Variants in PALM2AKAP2 observed in about 807,000 individuals in gnomAD.
The protein encoded by PALM2AKAP2 is PALM2-AKAP2 fusion protein.
A neutral mutation model predicts 71.5 loss-of-function variants in PALM2AKAP2; 37 were observed. That is an observed-to-expected ratio of 0.52 (90% CI 0.40 to 0.68). The LOEUF is 0.68. Ranked by LOEUF, PALM2AKAP2 falls within the 30% of genes least tolerant of loss-of-function variation. The probability of loss-of-function intolerance (pLI) is 0.00; values close to 1 mark genes in which losing one functional copy is unlikely to be tolerated. For missense variants in PALM2AKAP2, 1,224 were observed against 1,191.8 expected, an observed-to-expected ratio of 1.03 and a Z score of -0.40; for synonymous variants, 468 against 478.8, an observed-to-expected ratio of 0.98 and a Z score of 0.29.
chr9:110,150,483 C>G (rs1048207001), intron 2 of PALM2AKAP2, among the ~76,000 whole-genome samples: 5 of 152,204 alleles, frequency 3.3e-5, no homozygotes, highest in Non-Finnish European at 7.4e-5. Context: ...CTTCAGATCT[C>G]TCTCTCTCTC....
chr9:109,790,937 CTT>C (rs1415973156), intron 1 of PALM2AKAP2, among the ~76,000 whole-genome samples: 1 of 152,174 alleles, frequency 6.6e-6, no homozygotes, highest in Non-Finnish European at 1.5e-5. Flanking sequence ...GCCTATTTTT[CTT>C]TTCCAGGTGG....
At chr9:109,842,099 A>C (rs981092695) in intron 1 of PALM2AKAP2, among the ~76,000 whole-genome samples, 1 of 152,038 alleles carries the variant, frequency 6.6e-6, no homozygotes, top group Non-Finnish European at 1.5e-5. Flanking sequence ...TCTGGGCCTC[A>C]GTTTCCCATT....
intron 2 of PALM2AKAP2, among the ~76,000 whole-genome samples, chr9:109,870,843 A>T (rs1011612906): frequency 4.6e-5 from 7 of 152,226 alleles, no homozygotes; most frequent in Admixed American, 3.3e-4. Context: ...GTGATTATTG[A>T]AGTTCCTTGA....
At chr9:110,060,056 T>C (rs1342622339) in intron 1 of PALM2AKAP2, among the ~76,000 whole-genome samples, 1 of 152,198 alleles carries the variant, frequency 6.6e-6, no homozygotes, top group African/African-American at 2.4e-5. Flanking sequence ...TTTTTATTAT[T>C]GTAATTTGTG....
chr9:110,025,938 GACCC>G (rs1285019052), intron 7 of PALM2AKAP2, among the ~76,000 whole-genome samples: 4 of 152,088 alleles, frequency 2.6e-5, no homozygotes, highest in Non-Finnish European at 5.9e-5. Flanking sequence ...CTGAGTGAGG[GACCC>G]TCTTCTTGAC....
intron 1 of PALM2AKAP2, among the ~76,000 whole-genome samples, chr9:110,135,352 TAAAA>T (rs72447322): frequency 1.3e-5 from 1 of 76,806 alleles, no homozygotes; most frequent in Non-Finnish European, 2.4e-5. Flanking sequence ...CCTCCTTCCT[TAAAA>T]AAAAAAAAAA....
intron 1 of PALM2AKAP2, among the ~76,000 whole-genome samples, chr9:109,858,421 T>A (rs897049539): frequency 6.6e-6 from 1 of 152,178 alleles, no homozygotes; most frequent in African/African-American, 2.4e-5. Flanking sequence ...CACTGTGGAA[T>A]GTTAGTGATG....
chr9:110,080,094 A>G (rs1834415763), intron 1 of PALM2AKAP2, among the ~76,000 whole-genome samples: 3 of 135,598 alleles, frequency 2.2e-5, no homozygotes, highest in African/African-American at 5.8e-5. Flanking sequence ...AAAAAAAAAA[A>G]ATAGAAGATT....
intron 1 of PALM2AKAP2, among the ~76,000 whole-genome samples, chr9:109,646,411 T>G (rs1220275714): frequency 6.6e-6 from 1 of 152,230 alleles, no homozygotes; most frequent in African/African-American, 2.4e-5. Context: ...TTGCGATCCC[T>G]GTAAGCCCTG....
At chr9:110,160,202 G>A (rs1460408515) in intron 3 of PALM2AKAP2, among the ~76,000 whole-genome samples, 1 of 152,188 alleles carries the variant, frequency 6.6e-6, no homozygotes, top group East Asian at 1.9e-4. Flanking sequence ...CACATTTGGG[G>A]GGTAGAGTAG....
At chr9:109,887,626 GTGA>G (rs201213599) in intron 3 of PALM2AKAP2, among the ~76,000 whole-genome samples, 1 of 151,868 alleles carries the variant, frequency 6.6e-6, no homozygotes, top group African/African-American at 2.4e-5. Flanking sequence ...CCATGAGGTA[GTGA>G]TGATGATGAT....
At chr9:109,699,778 A>AT (rs374704175) in intron 1 of PALM2AKAP2, among the ~76,000 whole-genome samples, 44,951 of 112,978 alleles carry the variant, frequency 0.4, 7,551 homozygotes, top group African/African-American at 0.57. Context: ...ACCTTTATTT[A>AT]TTTTTTTTTT....
rs561997423 is a variant in PALM2AKAP2, at chr9:109,683,191, A to G, written c.5+42325A>G. On this transcript the variant is annotated intron_variant, in intron 1 of 6. Transcript: ENST00000374531. Reference sequence around the variant, plus strand: ...CCCCAGAAGCCGAGCAGATGCCACTATGCTTTCTGTACAGCCTGCAGAATG... The same window carrying G: ...CCCCAGAAGCCGAGCAGATGCCACTGTGCTTTCTGTACAGCCTGCAGAATG... 8.5e-5 allele frequency among the ~76,000 whole-genome samples: 13 copies of G among 152,320 alleles called. No individual in the cohort carries two copies. The South Asian group carries it at 1.7e-3, about 19-fold the overall frequency.
intron 1 of PALM2AKAP2, among the ~76,000 whole-genome samples, chr9:109,783,082 C>T (rs1002568861): frequency 6.6e-6 from 1 of 152,040 alleles, no homozygotes; most frequent in African/African-American, 2.4e-5. Flanking sequence ...GACTGGGATT[C>T]CAGTCTGCAG....
intron 2 of PALM2AKAP2, among the ~76,000 whole-genome samples, chr9:109,868,577 T>C (rs1829521899): frequency 1.3e-5 from 2 of 152,204 alleles, no homozygotes; most frequent in Admixed American, 1.3e-4. Flanking sequence ...CTACTTTTCC[T>C]GTCCTTTTCT....
Position 110,099,479 on chromosome 9 carries a change from G to A in PALM2AKAP2, c.157-36648G>A, listed in dbSNP as rs1274585385. On this transcript the variant is annotated intron_variant, in intron 1 of 3. Transcript: ENST00000374525. ...TGGGCGGTCTGAGCAACTATCTTTT[G>A]GAAGGATACATAAGAAGGTACAAGC... 5.3e-5 allele frequency among the ~76,000 whole-genome samples: 8 copies of A among 152,148 alleles called. No homozygotes were observed. In the East Asian group the frequency reaches 1.2e-3, roughly 22 times the overall value.
chr9:110,156,546 G>T (rs535919951), intron 3 of PALM2AKAP2, 49 bp downstream of exon 9: 1 of 1,517,410 alleles, frequency 6.6e-7, no homozygotes, highest in Non-Finnish European at 8.9e-7. Context: ...GCGGCCATCG[G>T]TGTGGCGTGT....
chr9:109,720,003 T>C (rs1297223139), intron 1 of PALM2AKAP2, among the ~76,000 whole-genome samples: 1 of 152,062 alleles, frequency 6.6e-6, no homozygotes, highest in African/African-American at 2.4e-5. Context: ...CCTTTTTTTT[T>C]TTTGAGATGG....
upstream of PALM2AKAP2, among the ~76,000 whole-genome samples, chr9:109,779,397 G>A (rs1829397347): frequency 6.6e-6 from 1 of 152,190 alleles, no homozygotes; most frequent in African/African-American, 2.4e-5. Context: ...GCAATGAACA[G>A]AAGACCCTGA....
Sources: allele counts gnomAD v4.1 joint callset (sites outside exome capture counted in the v4.1 genomes callset), GRCh38; gene constraint gnomAD v4.1.1; transcripts MANE v1.5; gene names NCBI Gene and HGNC (gene_info 2026-07-23, HGNC 2026-07-21).